Variants in UNC13C observed in about 807,000 individuals in gnomAD.
UNC13C encodes the protein protein unc-13 homolog C.
In UNC13C, 174 loss-of-function variants were observed where a neutral mutation model predicts 245.4. The ratio of observed to expected loss-of-function variants is 0.71; its 90% CI spans 0.63 to 0.80. The LOEUF is 0.80. Among genes scored for constraint, UNC13C ranks in the 30% least tolerant of loss-of-function variants. The pLI, the probability that UNC13C is intolerant of heterozygous loss-of-function variation, is 0.00. For missense variants in UNC13C, 2,829 were observed against 2,602.9 expected (o/e 1.09, Z -1.89); for synonymous variants, 992 against 895.1 (o/e 1.11, Z -1.93).
In UNC13C at chr15:54,086,843, C is replaced by A. The variant is rs1002736863; in HGVS notation, c.2984-56175C>A. ...CTCCGCCCTCCAAGTTCAATGGATT[C>A]TCCTGCCTCAGCCTCCAGAGAAGCT... On this transcript the variant is annotated intron_variant, in intron 2 of 32. Transcript: ENST00000260323. Among the ~76,000 whole-genome samples the A allele has an allele frequency of 7.0e-5, 10 of 143,420 alleles. No individual in the cohort carries two copies. In the Admixed American group the frequency reaches 7.3e-4, roughly 11 times the overall value. 94.1% of individuals were successfully genotyped at this position (143,420 alleles called of 152,430 possible).
rs145634445 is a variant in UNC13C at position 54,613,734 on chromosome 15, G to A, written c.6107-8593G>A. 2.2e-3 allele frequency among the ~76,000 whole-genome samples: 341 copies of A among 151,642 alleles called. 1 individual carries two copies. The highest frequency in any genetic ancestry group is 7.8e-3 in the African/African-American group (322 of 41,380). ...GATAAAATGCCAGGCTTATAACCTC[G>A]GTTTATCATGTTTAATTTACAATTT... On this transcript the variant is annotated intron_variant, in intron 30 of 32. Coordinates refer to ENST00000260323, the MANE Select transcript of UNC13C (RefSeq NM_001080534.3).
intron 1 of UNC13C, among the ~76,000 whole-genome samples, chr15:54,007,125 T>C (rs1174684816): frequency 6.6e-6 from 1 of 152,204 alleles, no homozygotes; most frequent in Admixed American, 6.5e-5. Flanking sequence ...AAATCAGCAA[T>C]TATAGGGCAT....
At chr15:54,070,285 C>T (rs1460163265) in intron 2 of UNC13C, among the ~76,000 whole-genome samples, 3 of 152,188 alleles carry the variant, frequency 2.0e-5, no homozygotes, top group African/African-American at 7.2e-5. Context: ...AATACTTCAT[C>T]ACCCTCAAGG....
intron 4 of UNC13C, among the ~76,000 whole-genome samples, chr15:54,224,425 T>TATC (rs1269604014): frequency 6.6e-6 from 1 of 152,166 alleles, no homozygotes; most frequent in Non-Finnish European, 1.5e-5. Context: ...TGATGTGATG[T>TATC]ATCACACTGA....
intron 22 of UNC13C, among the ~76,000 whole-genome samples, chr15:54,502,972 C>T (rs1401590275): frequency 1.3e-5 from 2 of 152,032 alleles, no homozygotes; most frequent in East Asian, 3.9e-4. Flanking sequence ...AATATGCCTG[C>T]TTGGGTATAA....
intron 18 of UNC13C, among the ~76,000 whole-genome samples, chr15:54,394,279 G>C (rs2040024347): frequency 2.0e-5 from 3 of 151,760 alleles, no homozygotes; most frequent in South Asian, 4.2e-4. Flanking sequence ...TCCTATTTTT[G>C]GTATACAATC....
chr15:54,082,832 G>A (rs1478549001), intron 2 of UNC13C, among the ~76,000 whole-genome samples: 1 of 152,098 alleles, frequency 6.6e-6, no homozygotes, highest in Non-Finnish European at 1.5e-5. Flanking sequence ...TTTTGTGGGG[G>A]CCAAGGCTCT....
At chr15:54,037,304 TAC>T (rs1449098462) in intron 2 of UNC13C, among the ~76,000 whole-genome samples, 1 of 152,180 alleles carries the variant, frequency 6.6e-6, no homozygotes, top group East Asian at 1.9e-4. Context: ...GTCAGAAAGA[TAC>T]AGTTTTTTCC....
intron 2 of UNC13C, among the ~76,000 whole-genome samples, chr15:54,108,198 T>C (rs899536088): frequency 4.6e-5 from 7 of 152,198 alleles, no homozygotes; most frequent in Admixed American, 1.3e-4. Context: ...TAATACTTTT[T>C]TTTTTTGAAA....
the UNC13C span, among the ~76,000 whole-genome samples, chr15:53,871,247 G>A: frequency 6.6e-6 from 1 of 152,110 alleles, no homozygotes; most frequent in East Asian, 1.9e-4. Context: ...CTAGGCTCCA[G>A]TGATGTTCAT....
At chr15:54,350,800 T>G (rs2038965568) in intron 17 of UNC13C, among the ~76,000 whole-genome samples, 1 of 152,206 alleles carries the variant, frequency 6.6e-6, no homozygotes, top group Admixed American at 6.5e-5. Flanking sequence ...GTCATGTGAT[T>G]TTTATTTTAA....
intron 16 of UNC13C, among the ~76,000 whole-genome samples, chr15:54,334,402 T>C (rs2038519955): frequency 1.3e-5 from 2 of 152,132 alleles, no homozygotes; most frequent in Admixed American, 6.6e-5. Flanking sequence ...TTTTCGGCAG[T>C]CATAGTTCTG....
intron 25 of UNC13C, among the ~76,000 whole-genome samples, chr15:54,531,743 G>A (rs1021164789): frequency 5.9e-5 from 9 of 151,760 alleles, no homozygotes; most frequent in East Asian, 3.9e-4. Flanking sequence ...GCATATTCAC[G>A]GAATTGTGCA....
At chr15:54,147,908 A>G (rs1018482277) in intron 4 of UNC13C, among the ~76,000 whole-genome samples, 1 of 151,994 alleles carries the variant, frequency 6.6e-6, no homozygotes, top group African/African-American at 2.4e-5. Flanking sequence ...CAGTTTGAGG[A>G]GGATATTATC....
At chr15:54,515,740 G>A (rs187870377) in intron 24 of UNC13C, among the ~76,000 whole-genome samples, 2 of 152,254 alleles carry the variant, frequency 1.3e-5, no homozygotes, top group East Asian at 3.9e-4. Flanking sequence ...GTAGTTAGCT[G>A]TTATTAAGAC....
intron 30 of UNC13C, among the ~76,000 whole-genome samples, chr15:54,568,352 G>A (rs1028424010): frequency 2.6e-5 from 4 of 152,090 alleles, no homozygotes; most frequent in African/African-American, 9.7e-5. Flanking sequence ...AATTTCGAAT[G>A]TAAAATCCCT....
chr15:54,212,909 A>G lies in UNC13C; in HGVS notation c.3072-22121A>G, dbSNP rs955293205. On this transcript the variant is annotated intron_variant, in intron 4 of 32. Coordinates refer to ENST00000260323, the MANE Select transcript of UNC13C (RefSeq NM_001080534.3). ...TAGGAACAAACAGTACTTTTTCTCT[A>G]TTTAAACCCTGATGGCCTTGAGGAG... is the stretch of plus-strand genomic sequence containing the variant. Among the ~76,000 whole-genome samples, 3 of 152,186 alleles carry G rather than the reference A, an allele frequency of 2.0e-5. No individual in the cohort carries two copies. The East Asian group carries it at 5.8e-4, about 29-fold the overall frequency.
At chr15:54,404,634 A>G (rs985997940) in intron 18 of UNC13C, among the ~76,000 whole-genome samples, 3 of 152,128 alleles carry the variant, frequency 2.0e-5, no homozygotes, top group Non-Finnish European at 2.9e-5. Flanking sequence ...TTAGTGTGAG[A>G]AGGGTTAATT....
At chr15:54,065,229 C>A (rs186431595) in intron 2 of UNC13C, among the ~76,000 whole-genome samples, 1 of 152,244 alleles carries the variant, frequency 6.6e-6, no homozygotes, top group East Asian at 1.9e-4. Flanking sequence ...TGGTGGCCTG[C>A]CTTTTGAGCC....
Sources: gnomAD v4.1 joint callset for allele counts (sites outside exome capture counted in the v4.1 genomes callset) on GRCh38, gnomAD v4.1.1 for gene constraint, MANE v1.5 for transcripts, NCBI Gene and HGNC (gene_info 2026-07-23, HGNC 2026-07-21) for gene names.